The following CSMD1 variants were observed in gnomAD, a reference collection of about 807,000 sequenced individuals.
CSMD1 encodes the protein CUB and Sushi multiple domains 1.
A neutral mutation model predicts 417.5 loss-of-function variants in CSMD1; 213 were observed. The observed-to-expected ratio is 0.51, with a 90% CI of 0.46 to 0.57. The LOEUF (loss-of-function observed/expected upper bound fraction) is 0.57. Ranked by LOEUF, CSMD1 falls within the 20% of genes least tolerant of loss-of-function variation. The pLI is 0.00. For synonymous variants in CSMD1, 2,862 were observed against 1,736.8 expected, an observed-to-expected ratio of 1.65 and a Z score of -16.11; for missense variants, 6,923 against 4,529.7, an observed-to-expected ratio of 1.53 and a Z score of -15.17.
intron 1 of CSMD1, among the ~76,000 whole-genome samples, chr8:4,645,230 G>C (rs996654788): frequency 6.6e-6 from 1 of 152,036 alleles, no homozygotes; most frequent in Non-Finnish European, 1.5e-5. Context: ...TTCCGGGCAA[G>C]ACAAGGCTGC....
intron 2 of CSMD1, among the ~76,000 whole-genome samples, chr8:4,524,833 C>T (rs77666269): frequency 2.0e-5 from 3 of 151,900 alleles, no homozygotes; most frequent in African/African-American, 7.3e-5. Context: ...TTATTTTCAA[C>T]AATTTATATA....
chr8:3,408,291 G>C lies in CSMD1; in HGVS notation c.1745-66C>G, dbSNP rs532812716. ...ATCCAAAGAATTGCCATGTGAAACA[G>C]ACAGCTAAGAACCTGGAAAGGCAAT... On this transcript the variant is annotated intron_variant, in intron 13 of 69. Transcript: ENST00000635120. The C allele has an allele frequency of 8.9e-5, 114 of 1,282,968 alleles. 3 individuals carry two copies. In the South Asian group the frequency reaches 1.6e-3, roughly 18 times the overall value. 79.5% of individuals were successfully genotyped at this position (1,282,968 alleles called of 1,614,324 possible).
intron 49 of CSMD1, among the ~76,000 whole-genome samples, chr8:3,073,308 G>A (rs916069536): frequency 6.6e-6 from 1 of 151,846 alleles, no homozygotes; most frequent in African/African-American, 2.4e-5. Flanking sequence ...AACATAGAAA[G>A]TAGTTGGAAT....
chr8:3,683,085 T>C (rs900911926), intron 7 of CSMD1, among the ~76,000 whole-genome samples: 8 of 152,018 alleles, frequency 5.3e-5, no homozygotes, highest in Non-Finnish European at 7.4e-5. Context: ...TTAGGAGATA[T>C]ACCTAATGCT....
chr8:4,626,224 C>A (rs754981857), intron 2 of CSMD1, among the ~76,000 whole-genome samples: 3 of 152,124 alleles, frequency 2.0e-5, no homozygotes, highest in Non-Finnish European at 4.4e-5. Context: ...GAGGACACAG[C>A]CTGCATGAAG....
chr8:3,541,122 A>G (rs1798419267), intron 10 of CSMD1, among the ~76,000 whole-genome samples: 1 of 152,248 alleles, frequency 6.6e-6, no homozygotes, highest in African/African-American at 2.4e-5. Context: ...AAGACATGGA[A>G]TCAACCCAAA....
At chr8:3,912,564 T>G (rs117282646) in intron 5 of CSMD1, among the ~76,000 whole-genome samples, 10 of 152,054 alleles carry the variant, frequency 6.6e-5, no homozygotes, top group East Asian at 1.9e-4. Context: ...GCCAAGGTGG[T>G]TTTGGAGATG....
intron 3 of CSMD1, among the ~76,000 whole-genome samples, chr8:4,201,612 T>C (rs546034342): frequency 1.4e-5 from 2 of 139,806 alleles, no homozygotes; most frequent in African/African-American, 2.7e-5. Context: ...AGAAGAAAAT[T>C]GAAATATAAA....
intron 3 of CSMD1, among the ~76,000 whole-genome samples, chr8:4,408,285 T>C (rs143315577): frequency 8.5e-4 from 129 of 152,250 alleles, no homozygotes; most frequent in African/African-American, 3.0e-3. Flanking sequence ...GGTTATATTA[T>C]GAAAGAACCA....
chr8:4,496,302 T>C (rs1209790545), intron 2 of CSMD1, among the ~76,000 whole-genome samples: 3 of 152,192 alleles, frequency 2.0e-5, no homozygotes, highest in Non-Finnish European at 4.4e-5. Context: ...GTGTGAACAA[T>C]GGTTCAGGAT....
At chr8:3,638,059 G>A (rs6990853) in intron 7 of CSMD1, among the ~76,000 whole-genome samples, 4 of 152,022 alleles carry the variant, frequency 2.6e-5, no homozygotes, top group African/African-American at 9.7e-5. Context: ...CCTTATAGGA[G>A]CATGGCTTTT....
In CSMD1 at chr8:3,264,536, G is replaced by A. The variant is rs185365300; in HGVS notation, c.4153+19608C>T. Among the ~76,000 whole-genome samples, 5 of 152,288 alleles carry A rather than the reference G, an allele frequency of 3.3e-5. No homozygotes were observed. The East Asian group carries it at 7.7e-4, about 23-fold the overall frequency. The stretch of plus-strand genomic sequence containing the variant: ...AACTGCACACTGAATCATTTACCAC[G>A]TAATGCTTCCCTGGAGTGGATATGC... On this transcript the variant is annotated intron_variant, in intron 26 of 69. Coordinates refer to ENST00000635120, the MANE Select transcript of CSMD1 (RefSeq NM_033225.6).
At chr8:3,556,013 GAACA>G (rs1210907399) in intron 10 of CSMD1, among the ~76,000 whole-genome samples, 1 of 152,028 alleles carries the variant, frequency 6.6e-6, no homozygotes, top group African/African-American at 2.4e-5. Context: ...TTCAAGGACA[GAACA>G]AATAGAATAT....
At chr8:4,989,251 C>T (rs991974044) in intron 1 of CSMD1, among the ~76,000 whole-genome samples, 1 of 151,986 alleles carries the variant, frequency 6.6e-6, no homozygotes, top group African/African-American at 2.4e-5. Flanking sequence ...GCTCAGGTTG[C>T]ATATCCATGC....
rs1798067450 is a variant in CSMD1 at position 3,219,310 on chromosome 8, C to T, written c.4617G>A (p.Leu1539=). The part of the protein sequence containing the change: ...RIESSGNSLF[L]AFRSDASVGL... The stretch of plus-strand genomic sequence containing the variant: ...CCACGGAGGCATCACTCCGAAATGC[C>T]AGAAACAGGCTGTTTCCGCTACTCT... The change falls in exon 29 of 70, where the codon CTG becomes CTA. Residue 1539 remains leucine (L), a synonymous_variant. Coordinates refer to ENST00000635120, the MANE Select transcript of CSMD1 (RefSeq NM_033225.6). 3 of 1,591,534 alleles carry T rather than the reference C, an allele frequency of 1.9e-6. No homozygotes were observed. The highest frequency in any genetic ancestry group is 3.5e-5 in the Admixed American group (2 of 57,152).
chr8:3,700,723 G>C (rs1295820265), intron 7 of CSMD1: 1 of 152,210 alleles, frequency 6.6e-6, no homozygotes, highest in Non-Finnish European at 1.5e-5. Context: ...GGAGAGCAAA[G>C]TCCCTGGGGT....
intron 6 of CSMD1, among the ~76,000 whole-genome samples, chr8:3,747,809 T>C (rs983740758): frequency 6.6e-6 from 1 of 152,202 alleles, no homozygotes; most frequent in Non-Finnish European, 1.5e-5. Flanking sequence ...ATTGTTTTGT[T>C]CTTTATGTTT....
intron 10 of CSMD1, among the ~76,000 whole-genome samples, chr8:3,500,207 G>T (rs766874266): frequency 1.3e-5 from 2 of 152,126 alleles, no homozygotes; most frequent in Non-Finnish European, 2.9e-5. Flanking sequence ...TCAGTACAGT[G>T]TTCTCCCCTA....
intron 2 of CSMD1, among the ~76,000 whole-genome samples, chr8:4,438,748 A>G (rs932285645): frequency 6.6e-6 from 1 of 152,346 alleles, no homozygotes; most frequent in Non-Finnish European, 1.5e-5. Context: ...TTTGGTTACA[A>G]ATGAGTCCAA....
Sources: allele counts gnomAD v4.1 joint callset (sites outside exome capture counted in the v4.1 genomes callset), GRCh38; gene constraint gnomAD v4.1.1; transcripts MANE v1.5; gene names NCBI Gene and HGNC (gene_info 2026-07-23, HGNC 2026-07-21).